Variants in DGKI observed in about 807,000 individuals in gnomAD.
DGKI encodes DAG kinase iota.
DGKI carries 55 observed loss-of-function variants against 147.5 expected under a neutral mutation model. The ratio of observed to expected loss-of-function variants is 0.37; its 90% CI spans 0.30 to 0.47. The LOEUF is 0.47. DGKI is among the 20% of genes least tolerant of loss of function. The pLI is 1.00. For missense variants in DGKI, 1,007 were observed against 1,323.8 expected, an observed-to-expected ratio of 0.76 and a Z score of 3.71; for synonymous variants, 469 against 477.1, an observed-to-expected ratio of 0.98 and a Z score of 0.22.
intron 21 of DGKI, among the ~76,000 whole-genome samples, chr7:137,506,613 G>C (rs569942259): frequency 6.6e-6 from 1 of 152,104 alleles, no homozygotes; most frequent in African/African-American, 2.4e-5. Context: ...CAATAATAAC[G>C]TATCAGTATT....
At chr7:137,768,665 G>A (rs919741221) in intron 1 of DGKI, among the ~76,000 whole-genome samples, 7 of 152,146 alleles carry the variant, frequency 4.6e-5, no homozygotes, top group African/African-American at 1.7e-4. Context: ...CATTACATAA[G>A]GTGCCCTGAA....
intron 1 of DGKI, among the ~76,000 whole-genome samples, chr7:137,764,097 C>T (rs1225138158): frequency 2.0e-5 from 3 of 152,106 alleles, no homozygotes; most frequent in Admixed American, 6.5e-5. Context: ...CCAGAGCCCA[C>T]GAATATTTAC....
chr7:137,508,875 G>A (rs892791723), intron 21 of DGKI, among the ~76,000 whole-genome samples: 1 of 152,096 alleles, frequency 6.6e-6, no homozygotes, highest in Non-Finnish European at 1.5e-5. Context: ...GTTTGCTATG[G>A]ACAGATACTT....
At chr7:137,447,931 C>G (rs937309043) in intron 27 of DGKI, among the ~76,000 whole-genome samples, 65 of 151,934 alleles carry the variant, frequency 4.3e-4, no homozygotes, top group Admixed American at 3.9e-3. Flanking sequence ...TTTTGAAACC[C>G]ATGGAAAATG....
At chr7:137,522,341 T>C (rs555603786) in intron 20 of DGKI, among the ~76,000 whole-genome samples, 2 of 152,100 alleles carry the variant, frequency 1.3e-5, no homozygotes, top group South Asian at 2.1e-4. Flanking sequence ...CAGGCAGATA[T>C]GCACATCACA....
chr7:137,656,393 G>T (rs1822221766), intron 4 of DGKI, 73 bp downstream of exon 4: 3 of 1,524,402 alleles, frequency 2.0e-6, no homozygotes, highest in Middle Eastern at 3.4e-4. Flanking sequence ...GTTGGAACTG[G>T]AAATTTACAC....
intron 1 of DGKI, among the ~76,000 whole-genome samples, chr7:137,766,866 G>A (rs1429105994): frequency 6.6e-6 from 1 of 152,190 alleles, no homozygotes; most frequent in Non-Finnish European, 1.5e-5. Context: ...ACCTGCAGCA[G>A]GTGCACAGCC....
chr7:137,472,396 AATTAT>A (rs1563040499), intron 23 of DGKI, among the ~76,000 whole-genome samples: 9 of 94,726 alleles, frequency 9.5e-5, no homozygotes, highest in African/African-American at 5.6e-4. Context: ...TACATATTAT[AATTAT>A]TATATGTATA....
chr7:137,792,383 T>C lies in DGKI; in HGVS notation c.401+54079A>G, dbSNP rs113288926. ...CATATTTCATTCCTACATTGAGAGA[T>C]ATTTTATTTCCCCTTCATCCATTCA... On this transcript the variant is annotated intron_variant, in intron 1 of 32. Transcript: ENST00000614521. Among the ~76,000 whole-genome samples, 1,081 of 152,270 alleles carry C rather than the reference T, an allele frequency of 7.1e-3. 8 individuals are homozygous for C. The highest frequency in any genetic ancestry group is 9.3e-3 in the Non-Finnish European group (631 of 68,016).
At chr7:137,762,150 C>T (rs1563185794) in intron 1 of DGKI, among the ~76,000 whole-genome samples, 1 of 152,334 alleles carries the variant, frequency 6.6e-6, no homozygotes, top group African/African-American at 2.4e-5. Context: ...CACTTTAATG[C>T]CAATGTGACC....
chr7:137,408,899 T>A (rs762037031), intron 29 of DGKI, among the ~76,000 whole-genome samples: 1 of 152,176 alleles, frequency 6.6e-6, no homozygotes, highest in African/African-American at 2.4e-5. Context: ...CAAATGAGAA[T>A]TAAATAACCC....
At chr7:137,507,478 A>G (rs919837177) in intron 21 of DGKI, among the ~76,000 whole-genome samples, 1 of 152,194 alleles carries the variant, frequency 6.6e-6, no homozygotes, top group Admixed American at 6.5e-5. Context: ...CATAAGGAAC[A>G]TGCAACTCAC....
chr7:137,498,505 TG>T (rs1816052364), intron 21 of DGKI, among the ~76,000 whole-genome samples: 1 of 152,058 alleles, frequency 6.6e-6, no homozygotes, highest in South Asian at 2.1e-4. Flanking sequence ...TGAAGAGTAC[TG>T]GGGACAAAAG....
intron 1 of DGKI, among the ~76,000 whole-genome samples, chr7:137,705,642 ATATAGAT>A (rs930241118): frequency 2.0e-5 from 3 of 152,210 alleles, no homozygotes; most frequent in Admixed American, 1.3e-4. Flanking sequence ...CTTAATAAAT[ATATAGAT>A]TATACAACTG....
intron 27 of DGKI, chr7:137,454,747 G>A (rs1247402992): frequency 6.6e-6 from 1 of 152,148 alleles, no homozygotes; most frequent in Non-Finnish European, 1.5e-5. Context: ...AGACAACGGA[G>A]ACATACCCGG....
At chr7:137,828,314 C>T (rs1172484471) in intron 1 of DGKI, among the ~76,000 whole-genome samples, 1 of 152,148 alleles carries the variant, frequency 6.6e-6, no homozygotes, top group Non-Finnish European at 1.5e-5. Context: ...TAGTGTTTTG[C>T]ACATATAACA....
At chr7:137,698,257 G>A (rs1823862755) in intron 1 of DGKI, among the ~76,000 whole-genome samples, 1 of 151,572 alleles carries the variant, frequency 6.6e-6, no homozygotes, top group African/African-American at 2.4e-5. Flanking sequence ...TAATTTCTTG[G>A]GTACCCAGTA....
In DGKI at chr7:137,473,291, A is replaced by G. The variant is rs534009650; in HGVS notation, c.2374-3672T>C. ...CAATGTTCTTAAAGAGGTTTCGTCT[A>G]AAGATAACATTACAATTTTGTTTGG... On this transcript the variant is annotated intron_variant, in intron 23 of 32. Coordinates refer to ENST00000614521, the MANE Select transcript of DGKI (RefSeq NM_001321708.2). 2.1e-3 allele frequency among the ~76,000 whole-genome samples: 317 copies of G among 152,268 alleles called. 1 individual carries two copies. The highest frequency in any genetic ancestry group is 7.4e-3 in the African/African-American group (307 of 41,572).
At chr7:137,499,340 T>A (rs915147668) in intron 21 of DGKI, among the ~76,000 whole-genome samples, 3 of 152,144 alleles carry the variant, frequency 2.0e-5, no homozygotes, top group Non-Finnish European at 4.4e-5. Flanking sequence ...ACTGTGATGA[T>A]TAATTTTATG....
Sources: allele counts gnomAD v4.1 joint callset (sites outside exome capture counted in the v4.1 genomes callset), GRCh38; gene constraint gnomAD v4.1.1; transcripts MANE v1.5; gene names NCBI Gene and HGNC (gene_info 2026-07-23, HGNC 2026-07-21).